ARHGEF16: variants seen among roughly 807,000 people sequenced by gnomAD.
The protein encoded by ARHGEF16 is Rho guanine nucleotide exchange factor 16, also known as Rho guanine exchange factor (GEF) 16.
ARHGEF16 carries 59 observed loss-of-function variants against 74.1 expected under a neutral mutation model. The observed-to-expected ratio is 0.80, with a 90% CI of 0.65 to 0.99. The LOEUF is 0.99. Among genes scored for constraint, ARHGEF16 ranks in the 50% least tolerant of loss-of-function variants. ARHGEF16 has a pLI of 0.00. For synonymous variants in ARHGEF16, 415 were observed against 412.6 expected (o/e 1.01, Z -0.07); for missense variants, 948 against 986.6 (o/e 0.96, Z 0.52).
At chr1:3,458,231 C>T (rs1337291584) in intron 1 of ARHGEF16, among the ~76,000 whole-genome samples, 3 of 152,232 alleles carry the variant, frequency 2.0e-5, no homozygotes, top group Admixed American at 1.3e-4. Flanking sequence ...GGAGACAGGA[C>T]AGCCAGCCAG....
At chr1:3,479,783 A>T in intron 13 of ARHGEF16, 29 bp from the exon 14 acceptor site, 1 of 1,607,036 alleles carries the variant, frequency 6.2e-7, no homozygotes, top group Non-Finnish European at 8.5e-7. Flanking sequence ...GCCTCCCGAC[A>T]GCCCTGTGAT....
intron 1 of ARHGEF16, among the ~76,000 whole-genome samples, chr1:3,459,576 C>T (rs1367885678): frequency 6.6e-6 from 1 of 152,144 alleles, no homozygotes; most frequent in Non-Finnish European, 1.5e-5. Context: ...TGGGATCCGC[C>T]CAGGGTGAGG....
intron 5 of ARHGEF16, 24 bp downstream of exon 5, chr1:3,468,960 G>C: frequency 6.5e-7 from 1 of 1,549,274 alleles, no homozygotes. Flanking sequence ...GGGCGGGAGG[G>C]CTGTCCCCCA....
intron 1 of ARHGEF16, among the ~76,000 whole-genome samples, chr1:3,457,297 A>AGGCC (rs938288501): frequency 1.3e-5 from 2 of 152,214 alleles, no homozygotes; most frequent in Non-Finnish European, 2.9e-5. Context: ...GGTGCTAGAG[A>AGGCC]GGCCGCGCCC....
chr1:3,474,679 T>C (rs745339719), intron 8 of ARHGEF16, 29 bp from the exon 9 acceptor site: 2 of 1,600,866 alleles, frequency 1.2e-6, no homozygotes, highest in Non-Finnish European at 8.6e-7. Context: ...CAGAGGGGAC[T>C]TTCTGTCCCA....
intron 6 of ARHGEF16, among the ~76,000 whole-genome samples, chr1:3,472,156 C>T (rs1192458599): frequency 2.6e-5 from 4 of 152,230 alleles, no homozygotes; most frequent in African/African-American, 7.2e-5. Context: ...CCTGTGGCGG[C>T]GGCCTGGAGA....
chr1:3,471,036 G>GTGGGCAGGGATGTGTGTGTGCA (rs1639704728), intron 6 of ARHGEF16, among the ~76,000 whole-genome samples: 3 of 147,790 alleles, frequency 2.0e-5, no homozygotes, highest in Non-Finnish European at 4.5e-5. Flanking sequence ...GTGTGTGTGC[G>GTGGGCAGGGATGTGTGTGTGCA]TGGGCAGGGA....
chr1:3,477,661 G>T (rs1479180179), intron 10 of ARHGEF16, among the ~76,000 whole-genome samples: 1 of 1,554 alleles, frequency 6.4e-4, no homozygotes, highest in Non-Finnish European at 4.2e-3. Context: ...GGTCTGGTCC[G>T]GCCTGGCGCA....
At chr1:3,462,981 A>C (rs377321084) in intron 1 of ARHGEF16, 85 bp from the exon 2 acceptor site, 8 of 956,370 alleles carry the variant, frequency 8.4e-6, no homozygotes, top group African/African-American at 3.3e-5. Context: ...CCCCGGCCAG[A>C]CATATGCAAA....
At chr1:3,464,401 G>C (rs1358510548) in intron 2 of ARHGEF16, among the ~76,000 whole-genome samples, 1 of 152,194 alleles carries the variant, frequency 6.6e-6, no homozygotes, top group Non-Finnish European at 1.5e-5. Context: ...GGAGAGTTGC[G>C]TGGTACCTGG....
In ARHGEF16 at chr1:3,463,675, A is replaced by G; in HGVS notation, c.588+3A>G. On this transcript the variant is annotated splice_donor_region_variant and intron_variant, in intron 2 of 14. Coordinates refer to ENST00000378378, the MANE Select transcript of ARHGEF16 (RefSeq NM_014448.4). ...CTCGGAGCCCGGCCAAAAACAAGGT[A>G]GGGGCCTGCTCGTGTGGACCGTGGG... 1.4e-6 allele frequency: 2 copies of G among 1,412,600 alleles called. No individual in the cohort carries two copies. The highest frequency in any genetic ancestry group is 1.9e-6 in the Non-Finnish European group (2 of 1,077,490). 87.5% of individuals were successfully genotyped at this position (1,412,600 alleles called of 1,614,324 possible).
At chr1:3,479,482 C>T (rs780221411) in intron 12 of ARHGEF16, 35 bp from the exon 13 acceptor site, 2 of 1,609,844 alleles carry the variant, frequency 1.2e-6, no homozygotes, top group Admixed American at 3.3e-5. Context: ...CAGGATCGGT[C>T]TCCAGGCCTG....
chr1:3,463,465 C>T lies in ARHGEF16; in HGVS notation c.381C>T (p.Ala127=), dbSNP rs2100736923. 1.3e-6 allele frequency: 2 copies of T among 1,534,040 alleles called. No homozygotes were observed. The highest frequency in any genetic ancestry group is 2.5e-5 in the East Asian group (1 of 40,720). The change falls in exon 2 of 15, where the codon GCC becomes GCT. Residue 127 remains alanine (A), a synonymous_variant. Transcript: ENST00000378378. ...GGCGGGACCCTAAGCTCCTCCCAGC[C>T]CCCAGCTTCTCCCTGGATGACATGG... ...AARRDPKLLP[A]PSFSLDDMDV...
At chr1:3,479,206 G>A (rs1639984884) in intron 12 of ARHGEF16, among the ~76,000 whole-genome samples, 1 of 152,204 alleles carries the variant, frequency 6.6e-6, no homozygotes, top group South Asian at 2.1e-4. Flanking sequence ...GTTTCCAGAT[G>A]AGGATGCTGA....
intron 6 of ARHGEF16, 55 bp downstream of exon 6, chr1:3,469,648 C>T: frequency 1.2e-6 from 2 of 1,600,888 alleles, no homozygotes; most frequent in East Asian, 2.2e-5. Flanking sequence ...AGGTGCCTCC[C>T]CCCGTGGGCA....
At position 3,473,112 on chromosome 1, in the gene ARHGEF16, C is replaced by G. The variant is rs1314023789; in HGVS notation, c.1057C>G (p.Gln353Glu). 6.2e-7 allele frequency: 1 copy of G among 1,613,408 alleles called. No individual in the cohort carries two copies. The highest frequency in any genetic ancestry group is 1.7e-5 in the Admixed American group (1 of 60,010). The stretch of plus-strand genomic sequence containing the variant: ...GGACCTGGAGCAGCGGCACAAGGCC[C>G]AGGTGCTGGTCGAGGACATCAGTGA... ...FEDLEQRHKA[Q>E]VLVEDISDIL... The change falls in exon 7 of 15, where the codon CAG (glutamine) becomes GAG (glutamate). Residue 353 changes from glutamine (Q) to glutamate (E), a missense_variant. By Grantham distance (29) the Gln-to-Glu change is conservative. Coordinates refer to ENST00000378378, the MANE Select transcript of ARHGEF16 (RefSeq NM_014448.4).
rs143848272 is a variant in ARHGEF16 at position 3,477,977 on chromosome 1, T to A, written c.1576T>A (p.Cys526Ser). Reference protein sequence around the residue: ...LFRKIASRPTCYLFLFNDVLV... With the variant: ...LFRKIASRPTSYLFLFNDVLV... Reference sequence around the variant, plus strand: ...TCGAAAAATTGCCAGCCGGCCAACGTGCTACCTTTTCCTGTTCAACGATGT... The same window carrying A: ...TCGAAAAATTGCCAGCCGGCCAACGAGCTACCTTTTCCTGTTCAACGATGT... The change falls in exon 11 of 15, where the codon TGC becomes AGC. Residue 526 changes from cysteine (C) to serine (S), a missense_variant. Coordinates refer to ENST00000378378, the MANE Select transcript of ARHGEF16 (RefSeq NM_014448.4). 7.4e-5 allele frequency: 119 copies of A among 1,612,658 alleles called. No homozygotes were observed. Among genetic ancestry groups the A allele is most frequent in the African/African-American group, 1.1e-4 (8 of 75,044 alleles).
At position 3,478,521 on chromosome 1, in the gene ARHGEF16, C is replaced by T. The variant is rs143167978; in HGVS notation, c.1723C>T (p.Arg575Cys). 9.9e-5 allele frequency: 159 copies of T among 1,612,560 alleles called. No homozygotes were observed. The highest frequency in any genetic ancestry group is 1.3e-4 in the Non-Finnish European group (148 of 1,179,872). Reference sequence around the variant, plus strand: ...GCTCCCTCTGCCCGGGGGCGGCAACCGTAGCTCCTCCGTGCCCCACCCCTT... The same window carrying T: ...GCTCCCTCTGCCCGGGGGCGGCAACTGTAGCTCCTCCGTGCCCCACCCCTT... ...SELPLPGGGN[R>C]SSSVPHPFQV... The change falls in exon 12 of 15, where the codon CGT becomes TGT. Residue 575 changes from arginine to cysteine, a missense_variant. Transcript: ENST00000378378.
chr1:3,472,843 G>C (rs1352167048), intron 6 of ARHGEF16: 1 of 541,162 alleles, frequency 1.8e-6, no homozygotes, highest in Non-Finnish European at 3.3e-6. Context: ...GTGGCAGGGG[G>C]CTCTGTAAGG....
Sources: gnomAD v4.1 joint callset for allele counts (sites outside exome capture counted in the v4.1 genomes callset) on GRCh38, gnomAD v4.1.1 for gene constraint, MANE v1.5 for transcripts, NCBI Gene and HGNC (gene_info 2026-07-23, HGNC 2026-07-21) for gene names.